The following ADAMTSL3 variants were observed in gnomAD, a reference collection of about 807,000 sequenced individuals.
The protein encoded by ADAMTSL3 is ADAMTS-like protein 3.
A neutral mutation model predicts 201.7 loss-of-function variants in ADAMTSL3; 128 were observed. The observed-to-expected ratio is 0.63, with a 90% CI of 0.55 to 0.73. ADAMTSL3 has a LOEUF of 0.73. Among genes scored for constraint, ADAMTSL3 ranks in the 30% least tolerant of loss-of-function variants. ADAMTSL3 has a pLI of 0.00. For missense variants in ADAMTSL3, 1,990 were observed against 2,119.6 expected (o/e 0.94, Z 1.20); for synonymous variants, 738 against 748.4 (o/e 0.99, Z 0.23).
intron 3 of ADAMTSL3, among the ~76,000 whole-genome samples, chr15:83,769,609 C>G (rs959908283): frequency 3.3e-5 from 5 of 152,102 alleles, no homozygotes; most frequent in Non-Finnish European, 5.9e-5. Flanking sequence ...AATATTGCCT[C>G]TAGCAGGACT....
chr15:83,848,152 A>T (rs11853949), intron 7 of ADAMTSL3, among the ~76,000 whole-genome samples: 2 of 151,406 alleles, frequency 1.3e-5, no homozygotes, highest in Non-Finnish European at 2.9e-5. Flanking sequence ...AAAAAAACCC[A>T]ACCAACTAAA....
intron 9 of ADAMTSL3, among the ~76,000 whole-genome samples, chr15:83,878,123 A>C (rs2065210043): frequency 6.6e-6 from 1 of 152,064 alleles, no homozygotes; most frequent in Non-Finnish European, 1.5e-5. Context: ...TGGTGAAAGA[A>C]TTTTTTCTTT....
intron 5 of ADAMTSL3, among the ~76,000 whole-genome samples, chr15:83,809,084 A>C (rs903863820): frequency 1.3e-5 from 2 of 152,148 alleles, no homozygotes; most frequent in African/African-American, 4.8e-5. Context: ...TGGAGTAGCT[A>C]TAGTAAACAG....
chr15:83,786,815 T>TTATAGTACTAAATGGAA lies in ADAMTSL3; in HGVS notation c.317+13192_317+13208dup, dbSNP rs950856212. ...TTGGTCTTCCTGTGTTGTGCTTCCA[T>TTATAGTACTAAATGGAA]TATAGTACTAAATGGAATATAGTAC... is the stretch of plus-strand genomic sequence containing the variant. On this transcript the variant is annotated intron_variant, in intron 4 of 29. Coordinates refer to ENST00000286744, the MANE Select transcript of ADAMTSL3 (RefSeq NM_207517.3). Among the ~76,000 whole-genome samples the TTATAGTACTAAATGGAA allele has an allele frequency of 7.2e-5, 11 of 152,210 alleles. No individual in the cohort carries two copies. The South Asian group carries it at 1.4e-3, about 20-fold the overall frequency.
At chr15:84,037,343 G>C (rs1236690761) in intron 29 of ADAMTSL3, among the ~76,000 whole-genome samples, 3 of 152,148 alleles carry the variant, frequency 2.0e-5, no homozygotes, top group Non-Finnish European at 4.4e-5. Flanking sequence ...CTGATGTCCT[G>C]AAGTTATATG....
At chr15:83,797,873 T>C (rs1429220066) in intron 4 of ADAMTSL3, among the ~76,000 whole-genome samples, 1 of 152,162 alleles carries the variant, frequency 6.6e-6, no homozygotes, top group African/African-American at 2.4e-5. Flanking sequence ...GGTTTAAGAT[T>C]GCTCATTGCA....
intron 28 of ADAMTSL3, among the ~76,000 whole-genome samples, chr15:84,033,769 CCTT>C (rs2068450054): frequency 1.3e-5 from 2 of 152,162 alleles, no homozygotes; most frequent in African/African-American, 2.4e-5. Context: ...GCCACACTGT[CCTT>C]CTGTCAGTTT....
Position 84,036,776 on chromosome 15 carries a change from C to T in ADAMTSL3, c.4758C>T (p.Pro1586=), listed in dbSNP as rs750616216. 1 of 1,605,696 alleles carries T rather than the reference C, an allele frequency of 6.2e-7. No homozygotes were observed. The highest frequency in any genetic ancestry group is 2.2e-5 in the East Asian group (1 of 44,704). The part of the protein sequence containing the change: ...SDSNCDDRKR[P]TLRRNCTSGA... ...TTTGTTTTATTTTTCACTTCAGACC[C>T]ACCTTAAGAAGGAACTGCACATCAG... The change falls in exon 29 of 30, where the codon CCC becomes CCT. Residue 1586 remains proline, a synonymous_variant. Coordinates refer to ENST00000286744, the MANE Select transcript of ADAMTSL3 (RefSeq NM_207517.3).
chr15:83,797,000 GCTAA>G (rs138287415), intron 4 of ADAMTSL3, among the ~76,000 whole-genome samples: 19,726 of 151,966 alleles, frequency 0.13, 1,604 homozygotes, highest in South Asian at 0.27. Context: ...TGAAATATTC[GCTAA>G]CTAAGATACA....
At chr15:84,007,006 TAGG>T (rs1412156654) in intron 23 of ADAMTSL3, among the ~76,000 whole-genome samples, 1 of 152,178 alleles carries the variant, frequency 6.6e-6, no homozygotes, top group Non-Finnish European at 1.5e-5. Context: ...GTTTTCAGCA[TAGG>T]AATTATCACT....
chr15:83,855,432 A>G (rs1304910104), intron 7 of ADAMTSL3, among the ~76,000 whole-genome samples: 1 of 152,178 alleles, frequency 6.6e-6, no homozygotes, highest in African/African-American at 2.4e-5. Context: ...ACACTGGGCA[A>G]ACTCCCAGTT....
chr15:83,748,372 G>T (rs1179736469), intron 3 of ADAMTSL3, among the ~76,000 whole-genome samples: 1 of 152,176 alleles, frequency 6.6e-6, no homozygotes, highest in African/African-American at 2.4e-5. Context: ...GGCAGGCTGG[G>T]CATGGTGGCT....
In ADAMTSL3 at chr15:84,014,590, G is replaced by A. The variant is rs991611111; in HGVS notation, c.4022G>A (p.Ser1341Asn). 1.2e-6 allele frequency: 2 copies of A among 1,614,144 alleles called. No homozygotes were observed. The highest frequency in any genetic ancestry group is 1.7e-6 in the Non-Finnish European group (2 of 1,180,008). The change falls in exon 24 of 30, where the codon AGT (serine) becomes AAT (asparagine). Residue 1341 changes from serine to asparagine, a missense_variant. Coordinates refer to ENST00000286744, the MANE Select transcript of ADAMTSL3 (RefSeq NM_207517.3). ...ITWLKRGGSL[S>N]GNVSLLFNGS... ...TGGTTGAAGAGAGGAGGATCTCTGAGTGGCAATGTTTCCTTGCTTTTCAAT... is the reference window on the plus strand; with the variant it reads ...TGGTTGAAGAGAGGAGGATCTCTGAATGGCAATGTTTCCTTGCTTTTCAAT...
At chr15:83,873,325 AT>A (rs1186668511) in intron 9 of ADAMTSL3, among the ~76,000 whole-genome samples, 1 of 145,712 alleles carries the variant, frequency 6.9e-6, no homozygotes, top group African/African-American at 2.6e-5. Context: ...AATTAAAAAA[AT>A]AAATAATAAA....
At position 83,874,260 on chromosome 15, in the gene ADAMTSL3, T is replaced by G. The variant is rs79692938; in HGVS notation, c.960+3301T>G. 5.0e-4 allele frequency among the ~76,000 whole-genome samples: 72 copies of G among 144,970 alleles called. 13 individuals are homozygous for G. The East Asian group carries it at 0.016, about 31-fold the overall frequency. ...GGAAAGCCAAAAGCAGAAAAGGAGC[T>G]TTTGCTCCCATCCCACGCAGAGCTC... On this transcript the variant is annotated intron_variant, in intron 9 of 29. Coordinates refer to ENST00000286744, the MANE Select transcript of ADAMTSL3 (RefSeq NM_207517.3).
chr15:83,865,658 C>T (rs1338937142), intron 8 of ADAMTSL3, among the ~76,000 whole-genome samples: 1 of 152,150 alleles, frequency 6.6e-6, no homozygotes, highest in Non-Finnish European at 1.5e-5. Context: ...ACCATAAAAA[C>T]CCTAGAAGAA....
At chr15:83,659,446 G>A (rs905495301) in intron 2 of ADAMTSL3, among the ~76,000 whole-genome samples, 1 of 152,196 alleles carries the variant, frequency 6.6e-6, no homozygotes, top group African/African-American at 2.4e-5. Flanking sequence ...TGAGGCTGGA[G>A]GCTAGTGTAG....
At chr15:84,032,919 A>G (rs2068435002) in intron 28 of ADAMTSL3, among the ~76,000 whole-genome samples, 1 of 152,188 alleles carries the variant, frequency 6.6e-6, no homozygotes, top group Admixed American at 6.5e-5. Context: ...TGCCATCAAA[A>G]TTTCTATGCC....
chr15:83,894,069 G>T (rs1313011874), intron 13 of ADAMTSL3, among the ~76,000 whole-genome samples: 2 of 152,126 alleles, frequency 1.3e-5, no homozygotes. Context: ...ACAAAGTTGT[G>T]TTACAGTATT....
Sources: allele counts gnomAD v4.1 joint callset (sites outside exome capture counted in the v4.1 genomes callset), GRCh38; gene constraint gnomAD v4.1.1; transcripts MANE v1.5; gene names NCBI Gene and HGNC (gene_info 2026-07-23, HGNC 2026-07-21).